SLC25A40: variants seen among roughly 807,000 people sequenced by gnomAD.
The protein encoded by SLC25A40 is mitochondrial glutathione transporter SLC25A40.
A neutral mutation model predicts 46.5 loss-of-function variants in SLC25A40; 41 were observed. The observed-to-expected ratio is 0.88, with a 90% CI of 0.69 to 1.14. The LOEUF (loss-of-function observed/expected upper bound fraction) is 1.14. SLC25A40 is among the 50% of genes most tolerant of loss of function. The probability of loss-of-function intolerance (pLI) is 0.00; values close to 1 mark genes in which losing one functional copy is unlikely to be tolerated. For synonymous variants in SLC25A40, 126 were observed against 127.5 expected (o/e 0.99, Z 0.08); for missense variants, 386 against 393.6 (o/e 0.98, Z 0.16).
intron 8 of SLC25A40, 104 bp from the exon 9 acceptor site, chr7:87,843,967 C>T: frequency 2.2e-6 from 3 of 1,358,070 alleles, no homozygotes; most frequent in Non-Finnish European, 2.8e-6. Flanking sequence ...AAATTCTAAC[C>T]TTGACATACC....
intron 6 of SLC25A40, 87 bp from the exon 7 acceptor site, chr7:87,848,064 TA>T: frequency 7.1e-7 from 1 of 1,410,586 alleles, no homozygotes; most frequent in Non-Finnish European, 9.4e-7. Context: ...TTATATAAGC[TA>T]AAAAAGTCTT....
intron 1 of SLC25A40, among the ~76,000 whole-genome samples, chr7:87,868,649 G>T (rs566103944): frequency 2.6e-5 from 4 of 152,176 alleles, no homozygotes; most frequent in African/African-American, 9.7e-5. Context: ...CAAAGGGAAC[G>T]GGTGAAGAAA....
intron 9 of SLC25A40, 43 bp downstream of exon 9, chr7:87,843,711 C>T (rs772422904): frequency 6.8e-7 from 1 of 1,462,186 alleles, no homozygotes; most frequent in Non-Finnish European, 9.5e-7. Context: ...TTTAATACAA[C>T]AATTATTCTT....
At chr7:87,865,077 G>A (rs753419581) in intron 1 of SLC25A40, among the ~76,000 whole-genome samples, 21 of 150,674 alleles carry the variant, frequency 1.4e-4, no homozygotes, top group African/African-American at 3.2e-4. Flanking sequence ...GCCAGGCTCC[G>A]GCAATCCTAT....
intron 3 of SLC25A40, 128 bp from the exon 4 acceptor site, chr7:87,856,479 C>A (rs1838617595): frequency 1.2e-6 from 1 of 818,590 alleles, no homozygotes; most frequent in African/African-American, 1.7e-5. Context: ...GCTTATTTAT[C>A]TTAAAGTAGT....
At chr7:87,855,150 A>T (rs938539704) in intron 4 of SLC25A40, among the ~76,000 whole-genome samples, 2 of 150,666 alleles carry the variant, frequency 1.3e-5, no homozygotes, top group African/African-American at 4.9e-5. Context: ...TGACAGAGTA[A>T]GACCCAGTCT....
chr7:87,838,693 G>A (rs922152538), intron 10 of SLC25A40, among the ~76,000 whole-genome samples: 3 of 150,676 alleles, frequency 2.0e-5, no homozygotes, highest in Non-Finnish European at 4.5e-5. Flanking sequence ...TCATGCATTT[G>A]TTTAATGTTT....
chr7:87,862,799 G>C (rs1562748848), intron 1 of SLC25A40, among the ~76,000 whole-genome samples: 1 of 152,148 alleles, frequency 6.6e-6, no homozygotes, highest in Non-Finnish European at 1.5e-5. Flanking sequence ...GAAGGTAAAA[G>C]GCAAGTCTCA....
chr7:87,859,375 G>A (rs1461824706), intron 2 of SLC25A40, among the ~76,000 whole-genome samples: 1 of 152,054 alleles, frequency 6.6e-6, no homozygotes, highest in Non-Finnish European at 1.5e-5. Flanking sequence ...CCAGGAGGCG[G>A]AGCTTGCAGT....
rs749082206 is a variant in SLC25A40, at chr7:87,860,553, A to G, written c.-25+19T>C. On this transcript the variant is annotated intron_variant, in intron 2 of 11. Transcript: ENST00000341119. ...AATAGTAATTTTATTGATTCTTTAG[A>G]CTTTTATTATCTACCTACCTGGTTT... The G allele has an allele frequency of 4.6e-5, 7 of 152,162 alleles. No individual in the cohort carries two copies. Among genetic ancestry groups the G allele is most frequent in the Non-Finnish European group, 7.4e-5 (5 of 68,022 alleles). The allele number at this position is 152,162 out of a possible 1,614,324, so 9.4% of individuals were successfully genotyped here.
chr7:87,874,758 T>C (rs947178511), intron 1 of SLC25A40, among the ~76,000 whole-genome samples: 6 of 152,204 alleles, frequency 3.9e-5, no homozygotes, highest in African/African-American at 1.4e-4. Context: ...TAGATTAAAA[T>C]TGGGGCTCAA....
chr7:87,868,731 C>A (rs929862237), intron 1 of SLC25A40, among the ~76,000 whole-genome samples: 2 of 152,180 alleles, frequency 1.3e-5, no homozygotes, highest in Non-Finnish European at 1.5e-5. Context: ...CCTGCAGGAA[C>A]CTCAACATAT....
intron 1 of SLC25A40, among the ~76,000 whole-genome samples, chr7:87,869,585 G>C (rs920411273): frequency 6.7e-6 from 1 of 149,614 alleles, no homozygotes; most frequent in African/African-American, 2.5e-5. Flanking sequence ...TTCTATTTCA[G>C]TTCGTACCCC....
chr7:87,840,334 T>A, intron 10 of SLC25A40, among the ~76,000 whole-genome samples: 1 of 151,322 alleles, frequency 6.6e-6, no homozygotes, highest in Non-Finnish European at 1.5e-5. Context: ...TAAATGAGAG[T>A]TTACTGAGGG....
chr7:87,854,242 G>A lies in SLC25A40; in HGVS notation c.226C>T (p.Leu76=). The change falls in exon 5 of 12, where the codon CTA becomes TTA. Residue 76 remains leucine, a synonymous_variant. Transcript: ENST00000341119. The part of the protein sequence containing the change: ...LCVCEEGGNK[L]WYKKPGNFQG... ...AAATTTCCTGGCTTCTTATACCATAGTTTGTTGCCTCCCTCTTCACAGACA... is the reference window on the plus strand; with the variant it reads ...AAATTTCCTGGCTTCTTATACCATAATTTGTTGCCTCCCTCTTCACAGACA... The A allele has an allele frequency of 6.2e-7, 1 of 1,613,124 alleles. No homozygotes were observed. Among genetic ancestry groups the A allele is most frequent in the Non-Finnish European group, 8.5e-7 (1 of 1,179,358 alleles).
chr7:87,852,546 G>A (rs982402714), intron 5 of SLC25A40, among the ~76,000 whole-genome samples: 5 of 152,154 alleles, frequency 3.3e-5, no homozygotes, highest in Non-Finnish European at 7.4e-5. Context: ...TCCAGCCTAG[G>A]TGACAGAGCG....
intron 6 of SLC25A40, among the ~76,000 whole-genome samples, chr7:87,848,255 G>A (rs954258337): frequency 4.6e-5 from 7 of 152,010 alleles, no homozygotes; most frequent in Non-Finnish European, 7.4e-5. Context: ...TTAAGTAAGC[G>A]CTAGCATGGT....
intron 1 of SLC25A40, among the ~76,000 whole-genome samples, chr7:87,868,127 G>A (rs1196422055): frequency 2.6e-5 from 4 of 152,122 alleles, no homozygotes; most frequent in Non-Finnish European, 2.9e-5. Flanking sequence ...AATGAGTCGA[G>A]GGAGGAGGAA....
intron 2 of SLC25A40, 23 bp from the exon 3 acceptor site, chr7:87,858,774 T>C: frequency 2.4e-6 from 3 of 1,262,512 alleles, no homozygotes; most frequent in Non-Finnish European, 3.5e-6. Flanking sequence ...AAACATAAAA[T>C]TAGAGCACAT....
Sources: allele counts gnomAD v4.1 joint callset (sites outside exome capture counted in the v4.1 genomes callset), GRCh38; gene constraint gnomAD v4.1.1; transcripts MANE v1.5; gene names NCBI Gene and HGNC (gene_info 2026-07-23, HGNC 2026-07-21).